TFDP2: variants seen among roughly 807,000 people sequenced by gnomAD.
The protein encoded by TFDP2 is transcription factor Dp-2.
Under a neutral mutation model 59.3 loss-of-function variants are expected in TFDP2, and 17 were observed. The ratio of observed to expected loss-of-function variants is 0.29; its 90% CI spans 0.20 to 0.43. The LOEUF (loss-of-function observed/expected upper bound fraction) is 0.43. Ranked by LOEUF, TFDP2 falls within the 20% of genes least tolerant of loss-of-function variation. TFDP2 has a pLI of 1.00. For synonymous variants in TFDP2, 180 were observed against 194.7 expected (o/e 0.92, Z 0.63); for missense variants, 391 against 528.8 (o/e 0.74, Z 2.56).
At chr3:142,128,872 G>C (rs1436719498) in intron 1 of TFDP2, among the ~76,000 whole-genome samples, 1 of 150,014 alleles carries the variant, frequency 6.7e-6, no homozygotes, top group Non-Finnish European at 1.5e-5. Flanking sequence ...AGGAAAAAGA[G>C]GAAAAAAGGG....
intron 9 of TFDP2, among the ~76,000 whole-genome samples, chr3:141,965,069 A>C (rs182445424): frequency 1.8e-4 from 28 of 152,286 alleles, no homozygotes; most frequent in Admixed American, 1.0e-3. Context: ...ACCAACCAAC[A>C]AACAAACAAG....
chr3:141,952,823 T>C (rs751006530), intron 12 of TFDP2, 88 bp downstream of exon 12: 32 of 1,543,986 alleles, frequency 2.1e-5, no homozygotes, highest in Middle Eastern at 1.7e-4. Flanking sequence ...GCAGGACCTG[T>C]GCTGGCAGTA....
At chr3:142,048,154 C>T (rs113830737) in intron 3 of TFDP2, among the ~76,000 whole-genome samples, 8,629 of 152,198 alleles carry the variant, frequency 0.057, 302 homozygotes, top group Middle Eastern at 0.11. Flanking sequence ...GTGGCTCACA[C>T]CTGTAATCCT....
chr3:142,002,317 G>GTTTTTTTT (rs750047190), intron 4 of TFDP2, among the ~76,000 whole-genome samples: 2 of 106,858 alleles, frequency 1.9e-5, no homozygotes, highest in African/African-American at 3.7e-5. Context: ...TATTTTTAGT[G>GTTTTTTTT]TTTTTTTTTT....
At chr3:141,981,632 A>G (rs1171945823) in intron 6 of TFDP2, among the ~76,000 whole-genome samples, 1 of 152,200 alleles carries the variant, frequency 6.6e-6, no homozygotes, top group African/African-American at 2.4e-5. Flanking sequence ...ATGTGAAATC[A>G]CTAAAATATA....
intron 11 of TFDP2, among the ~76,000 whole-genome samples, chr3:141,959,251 C>T (rs991186046): frequency 3.3e-5 from 5 of 151,956 alleles, no homozygotes; most frequent in Non-Finnish European, 7.4e-5. Context: ...CTGCAGCGCC[C>T]GGCCAGGATG....
In TFDP2 at chr3:141,949,907, A is replaced by G. The variant is rs1174867678; in HGVS notation, c.*2606T>C. ...TCTACAACCTCCGCCTCCTGCGCTC[A>G]AGCAATCCTCCCACCTCAGCCTCTT... On this transcript the variant is annotated 3_prime_UTR_variant, in exon 13 of 13. Coordinates refer to ENST00000489671, the MANE Select transcript of TFDP2 (RefSeq NM_001178139.2). 7.0e-6 allele frequency: 1 copy of G among 142,182 alleles called. No individual in the cohort carries two copies. The highest frequency in any genetic ancestry group is 7.9e-5 in the Admixed American group (1 of 12,722). The allele number at this position is 142,182 out of a possible 1,614,324, so 8.8% of individuals were successfully genotyped here. A position where few individuals can be genotyped will look rare whatever the true frequency, so the allele number is the denominator to read the frequency against.
At chr3:142,027,212 G>T (rs1450461863) in intron 3 of TFDP2, among the ~76,000 whole-genome samples, 1 of 151,792 alleles carries the variant, frequency 6.6e-6, no homozygotes, top group African/African-American at 2.4e-5. Flanking sequence ...CAGGCTACAG[G>T]CAATATTTAA....
At chr3:142,119,234 C>T (rs1283074861) in intron 1 of TFDP2, among the ~76,000 whole-genome samples, 1 of 151,952 alleles carries the variant, frequency 6.6e-6, no homozygotes, top group Non-Finnish European at 1.5e-5. Context: ...AAGATCCTAC[C>T]AGATATTTGA....
intron 1 of TFDP2, among the ~76,000 whole-genome samples, chr3:142,135,888 A>G (rs1316465830): frequency 6.6e-6 from 1 of 152,106 alleles, no homozygotes; most frequent in Non-Finnish European, 1.5e-5. Flanking sequence ...TCTTTATAGT[A>G]GCATGATTTA....
intron 3 of TFDP2, among the ~76,000 whole-genome samples, chr3:142,027,956 G>A (rs891307323): frequency 4.6e-5 from 7 of 152,068 alleles, no homozygotes; most frequent in African/African-American, 7.2e-5. Context: ...GGAATGCACC[G>A]GCCCCTTTAT....
chr3:142,031,558 A>G (rs1308799861), intron 3 of TFDP2, among the ~76,000 whole-genome samples: 1 of 152,166 alleles, frequency 6.6e-6, no homozygotes, highest in Non-Finnish European at 1.5e-5. Flanking sequence ...GGGGAAAGTA[A>G]TAAGACTTCC....
At chr3:142,141,025 C>T (rs544676313) in intron 1 of TFDP2, among the ~76,000 whole-genome samples, 82 of 152,320 alleles carry the variant, frequency 5.4e-4, no homozygotes, top group Admixed American at 1.3e-3. Context: ...AGGCTCCGCC[C>T]AGTTTGAGCT....
chr3:142,079,828 CT>C (rs1487345752), intron 3 of TFDP2, among the ~76,000 whole-genome samples: 2 of 152,156 alleles, frequency 1.3e-5, no homozygotes, highest in East Asian at 1.9e-4. Flanking sequence ...GAAATAAAGA[CT>C]TTCCCAGACA....
intron 6 of TFDP2, among the ~76,000 whole-genome samples, chr3:141,981,981 G>A (rs537619469): frequency 5.3e-5 from 8 of 152,298 alleles, no homozygotes; most frequent in African/African-American, 1.7e-4. Flanking sequence ...AGATCGAAGA[G>A]ATGAATTAAA....
intron 7 of TFDP2, among the ~76,000 whole-genome samples, chr3:141,976,130 C>T (rs1164190325): frequency 6.6e-6 from 1 of 152,150 alleles, no homozygotes; most frequent in Non-Finnish European, 1.5e-5. Flanking sequence ...CCGTCCACCT[C>T]GGCCTCCCAA....
chr3:141,978,480 T>C, intron 7 of TFDP2, 40 bp downstream of exon 7: 2 of 1,578,846 alleles, frequency 1.3e-6, no homozygotes, highest in Non-Finnish European at 1.7e-6. Context: ...AGAAGTAGCA[T>C]CATCCATCAA....
intron 6 of TFDP2, among the ~76,000 whole-genome samples, chr3:141,980,075 ATTT>A (rs1404124004): frequency 1.3e-5 from 2 of 150,058 alleles, no homozygotes; most frequent in African/African-American, 4.9e-5. Flanking sequence ...TGCCTCGCTA[ATTT>A]CTTTTTTGTA....
chr3:141,978,923 G>A (rs1368072860), intron 6 of TFDP2, among the ~76,000 whole-genome samples: 4 of 152,026 alleles, frequency 2.6e-5, no homozygotes, highest in Non-Finnish European at 5.9e-5. Flanking sequence ...AATATTTATT[G>A]ACCAGTTACT....
Sources: allele counts gnomAD v4.1 joint callset (sites outside exome capture counted in the v4.1 genomes callset), GRCh38; gene constraint gnomAD v4.1.1; transcripts MANE v1.5; gene names NCBI Gene and HGNC (gene_info 2026-07-23, HGNC 2026-07-21).